The following C1orf159 variants were observed in gnomAD, a reference collection of about 807,000 sequenced individuals.
The protein encoded by C1orf159 is chromosome 1 open reading frame 159, also known as uncharacterized protein C1orf159.
A neutral mutation model predicts 25.6 loss-of-function variants in C1orf159; 19 were observed. The observed-to-expected ratio is 0.74, with a 90% CI of 0.52 to 1.09. C1orf159 has a LOEUF of 1.09. Among genes scored for constraint, C1orf159 ranks in the 50% least tolerant of loss-of-function variants. The probability of loss-of-function intolerance (pLI) is 0.00; values close to 1 mark genes in which losing one functional copy is unlikely to be tolerated. For synonymous variants in C1orf159, 139 were observed against 124.7 expected (o/e 1.12, Z -0.77); for missense variants, 274 against 290.6 (o/e 0.94, Z 0.42).
intron 1 of C1orf159, among the ~76,000 whole-genome samples, chr1:1,097,739 T>C (rs1485912844): frequency 1.3e-5 from 2 of 152,114 alleles, no homozygotes; most frequent in Non-Finnish European, 2.9e-5. Flanking sequence ...TTCTTCTTTC[T>C]TAAAATTGAC....
In C1orf159 at chr1:1,097,977, G is replaced by C. The variant is rs984842305; in HGVS notation, c.-135-5874C>G. 1.3e-4 allele frequency among the ~76,000 whole-genome samples: 20 copies of C among 151,782 alleles called. 1 individual carries two copies. The highest frequency in any genetic ancestry group is 1.2e-3 in the Admixed American group (19 of 15,256). On this transcript the variant is annotated intron_variant, in intron 1 of 9. Coordinates refer to ENST00000421241, the MANE Select transcript of C1orf159 (RefSeq NM_017891.5). ...ACTTAGTTACAGAGTTCTAAGTATT[G>C]CTTTAGCTACACCAACAATTTTGAT...
chr1:1,115,934 C>T (rs1349535250), intron 1 of C1orf159, 126 bp downstream of exon 1: 2 of 151,316 alleles, frequency 1.3e-5, no homozygotes, highest in African/African-American at 4.9e-5. Flanking sequence ...GGGAACGTCC[C>T]TCGGGCCGGG....
At chr1:1,093,650 G>A (rs1645971401) in intron 1 of C1orf159, among the ~76,000 whole-genome samples, 3 of 152,238 alleles carry the variant, frequency 2.0e-5, no homozygotes, top group South Asian at 4.1e-4. Context: ...TCCACAGTCG[G>A]AGGATTTTCC....
intron 3 of C1orf159, chr1:1,091,233 C>T (rs1469641085): frequency 2.4e-5 from 15 of 626,998 alleles, no homozygotes; most frequent in Middle Eastern, 4.0e-4. Context: ...GATGCCTCAC[C>T]GTGGGGGCCC....
At chr1:1,106,409 T>C (rs1424309574) in intron 1 of C1orf159, among the ~76,000 whole-genome samples, 2 of 152,212 alleles carry the variant, frequency 1.3e-5, no homozygotes, top group Non-Finnish European at 2.9e-5. Flanking sequence ...TTGTGCATGC[T>C]GCTGAGAATA....
At position 1,087,444 on chromosome 1, in the gene C1orf159, A is replaced by C; in HGVS notation, c.244+58T>G. The C allele has an allele frequency of 6.9e-7, 1 of 1,452,138 alleles. No individual in the cohort carries two copies. The highest frequency in any genetic ancestry group is 9.4e-7 in the Non-Finnish European group (1 of 1,065,868). 90.0% of individuals were successfully genotyped at this position (1,452,138 alleles called of 1,614,324 possible). ...TGGGGACACAGACAGCAACTCCCAC[A>C]GTGTCTCCCACAGCTGGAGCTGTGA... On this transcript the variant is annotated intron_variant, in intron 5 of 9. Coordinates refer to ENST00000421241, the MANE Select transcript of C1orf159 (RefSeq NM_017891.5). This position sits in a 1 kb window ranked among gnomAD's most constrained non-coding sequence, Gnocchi z 8.3.
At chr1:1,098,713 A>G (rs1291439306) in intron 1 of C1orf159, among the ~76,000 whole-genome samples, 8 of 151,958 alleles carry the variant, frequency 5.3e-5, no homozygotes, top group Admixed American at 4.6e-4. Flanking sequence ...TTGGGTTCAC[A>G]CCATTCTCCT....
At position 1,082,989 on chromosome 1, in the gene C1orf159, T is replaced by G. The variant is rs774856507; in HGVS notation, c.503-2A>C. The G allele has an allele frequency of 6.3e-7, 1 of 1,592,206 alleles. No individual in the cohort carries two copies. Among genetic ancestry groups the G allele is most frequent in the Admixed American group, 1.7e-5 (1 of 58,028 alleles). On this transcript the variant is annotated splice_acceptor_variant, in intron 9 of 9. Transcript: ENST00000421241. LOFTEE classifies it high-confidence loss of function. ...GCCTGACGTAGCGCGGCTTCCGTAC[T>G]GAAACGGGTCAGAGACAGGCGAGGT... is the stretch of plus-strand genomic sequence containing the variant.
intron 1 of C1orf159, among the ~76,000 whole-genome samples, chr1:1,102,230 C>T (rs925633459): frequency 6.6e-6 from 1 of 151,926 alleles, no homozygotes; most frequent in African/African-American, 2.4e-5. Context: ...TACTTCTGTC[C>T]ACTGTGCCTC....
chr1:1,083,671 G>A (rs767065349), intron 9 of C1orf159: 14 of 558,306 alleles, frequency 2.5e-5, no homozygotes, highest in African/African-American at 1.2e-4. Flanking sequence ...TGGCAGCCCC[G>A]GGGCACTCGG....
rs1382734280 is a variant in C1orf159, at chr1:1,090,973, T to C, written c.72+499A>G. Reference sequence around the variant, plus strand: ...TTGTGTGTTGATCACAGCTGTGCTGTTTCTCGTGACCTGAATGCAGTGAAC... The same window carrying C: ...TTGTGTGTTGATCACAGCTGTGCTGCTTCTCGTGACCTGAATGCAGTGAAC... On this transcript the variant is annotated intron_variant, in intron 3 of 9. Transcript: ENST00000421241. 6 of 1,550,048 alleles carry C rather than the reference T, an allele frequency of 3.9e-6. 2 individuals are homozygous for C. In the South Asian group the frequency reaches 5.9e-5, roughly 15 times the overall value.
chr1:1,094,318 G>A (rs891109928), intron 1 of C1orf159, among the ~76,000 whole-genome samples: 1 of 152,102 alleles, frequency 6.6e-6, no homozygotes, highest in Non-Finnish European at 1.5e-5. Context: ...GACTAGAGGT[G>A]TGCGTCACCA....
At chr1:1,096,597 A>T (rs9651271) in intron 1 of C1orf159, among the ~76,000 whole-genome samples, 17,726 of 152,242 alleles carry the variant, frequency 0.12, 1,024 homozygotes, top group African/African-American at 0.14. Flanking sequence ...GTTCTCCGGT[A>T]ATTAATTCAA....
intron 1 of C1orf159, among the ~76,000 whole-genome samples, chr1:1,103,144 G>T (rs1486176847): frequency 6.6e-6 from 1 of 152,154 alleles, no homozygotes; most frequent in Admixed American, 6.5e-5. Flanking sequence ...CGCCCAGCCA[G>T]ATCTTGTGTT....
At chr1:1,107,545 G>C (rs949029161) in intron 1 of C1orf159, among the ~76,000 whole-genome samples, 1 of 152,150 alleles carries the variant, frequency 6.6e-6, no homozygotes, top group Non-Finnish European at 1.5e-5. Context: ...CGTCTAGCTA[G>C]AGGACTGTAA....
intron 1 of C1orf159, among the ~76,000 whole-genome samples, chr1:1,097,093 G>A (rs1372633217): frequency 6.6e-6 from 1 of 151,752 alleles, no homozygotes; most frequent in African/African-American, 2.4e-5. Flanking sequence ...TTTTGTTCTT[G>A]ATATTGGTGA....
intron 1 of C1orf159, among the ~76,000 whole-genome samples, chr1:1,101,851 C>T (rs1646104472): frequency 6.6e-6 from 1 of 152,018 alleles, no homozygotes; most frequent in Admixed American, 6.6e-5. Flanking sequence ...GCAGGCAGAT[C>T]CCCTGAGGTC....
intron 1 of C1orf159, among the ~76,000 whole-genome samples, chr1:1,099,384 A>ATTG (rs201166892): frequency 4.3e-5 from 6 of 140,554 alleles, no homozygotes; most frequent in East Asian, 4.2e-4. Context: ...TTTTTGGTCT[A>ATTG]TTCTAAGAAT....
Position 1,085,903 on chromosome 1 carries a change from G to A in C1orf159, c.420C>T (p.Pro140=), listed in dbSNP as rs1379236687. The change falls in exon 7 of 10, where the codon CCC becomes CCT. Residue 140 remains proline, a synonymous_variant. Transcript: ENST00000421241. ...CTTTGTTTCTTCTGTAGCAGGCCCT[G>A]GGGAGTTTACTGGAGCGCTTGAGGT... The part of the protein sequence containing the change: ...FFYLKRSSKL[P]RACYRRNKAP... 2 of 1,613,434 alleles carry A rather than the reference G, an allele frequency of 1.2e-6. No homozygotes were observed. Among genetic ancestry groups the A allele is most frequent in the South Asian group, 2.2e-5 (2 of 91,062 alleles).
Sources: allele counts gnomAD v4.1 joint callset (sites outside exome capture counted in the v4.1 genomes callset), GRCh38; gene constraint gnomAD v4.1.1; non-coding constraint Gnocchi (gnomAD v3.1); transcripts MANE v1.5; gene names NCBI Gene and HGNC (gene_info 2026-07-23, HGNC 2026-07-21).